Variants in CDYL2 observed in about 807,000 individuals in gnomAD.
CDYL2 encodes chromodomain Y-like protein 2.
CDYL2 carries 23 observed loss-of-function variants against 49.4 expected under a neutral mutation model. That is an observed-to-expected ratio of 0.47 (90% CI 0.34 to 0.66). The LOEUF (loss-of-function observed/expected upper bound fraction) is 0.66, where lower values mean the gene tolerates loss of function less well. CDYL2 is among the 30% of genes least tolerant of loss of function. CDYL2 has a pLI of 0.01. For synonymous variants in CDYL2, 360 were observed against 268.8 expected (o/e 1.34, Z -3.32); for missense variants, 678 against 656.4 (o/e 1.03, Z -0.36).
intron 2 of CDYL2, among the ~76,000 whole-genome samples, chr16:80,665,784 T>C (rs1266721373): frequency 3.3e-5 from 5 of 152,074 alleles, no homozygotes; most frequent in Non-Finnish European, 5.9e-5. Flanking sequence ...GTCACCAAGA[T>C]GGCAGGTGAA....
intron 1 of CDYL2, among the ~76,000 whole-genome samples, chr16:80,764,754 T>C (rs930162315): frequency 2.6e-5 from 4 of 151,980 alleles, no homozygotes; most frequent in Admixed American, 1.3e-4. Flanking sequence ...ACTGATAATA[T>C]GGAATAGAAA....
chr16:80,785,583 G>A (rs1907408246), intron 1 of CDYL2, among the ~76,000 whole-genome samples: 1 of 152,138 alleles, frequency 6.6e-6, no homozygotes, highest in Non-Finnish European at 1.5e-5. Flanking sequence ...AGCTACCACT[G>A]ACTTTTTTCA....
intron 1 of CDYL2, among the ~76,000 whole-genome samples, chr16:80,782,983 G>A (rs899204016): frequency 2.6e-5 from 4 of 152,062 alleles, no homozygotes; most frequent in Non-Finnish European, 4.4e-5. Context: ...ACACAGTACT[G>A]GAAGTTCTGC....
At chr16:80,652,950 C>G (rs1234619020) in intron 2 of CDYL2, among the ~76,000 whole-genome samples, 1 of 152,204 alleles carries the variant, frequency 6.6e-6, no homozygotes, top group Non-Finnish European at 1.5e-5. Flanking sequence ...ACATAATATT[C>G]TCTGAATATT....
In CDYL2 at chr16:80,633,231, C is replaced by G. The variant is rs1308819547; in HGVS notation, c.622G>C (p.Ala208Pro). Residue 208 changes from alanine to proline, a missense_variant, in exon 3 of 7, where the codon GCT becomes CCT. Ala to Pro is a conservative substitution (Grantham distance 27). Around this residue, in one of 3 missense-constraint regions of CDYL2, gnomAD observed 478 missense variants for 427.0 expected, o/e 1.12. Transcript: ENST00000570137. Reference protein sequence around the residue: ...ATLAENGLGSALTNGGLNLHS... With the variant: ...ATLAENGLGSPLTNGGLNLHS... ...AGGTTCAATCCCCCGTTGGTCAGAGCAGAGCCTTCCAAAACCAGATAAACA... is the reference window on the plus strand; with the variant it reads ...AGGTTCAATCCCCCGTTGGTCAGAGGAGAGCCTTCCAAAACCAGATAAACA... The G allele has an allele frequency of 3.1e-6, 5 of 1,611,908 alleles. No individual in the cohort carries two copies. The South Asian group carries it at 3.3e-5, about 11-fold the overall frequency.
intron 1 of CDYL2, among the ~76,000 whole-genome samples, chr16:80,712,414 C>T (rs958629916): frequency 6.6e-6 from 1 of 151,882 alleles, no homozygotes; most frequent in Non-Finnish European, 1.5e-5. Flanking sequence ...GTCAATGTCA[C>T]AACATTGCTG....
At chr16:80,751,549 C>T (rs1906137136) in intron 1 of CDYL2, among the ~76,000 whole-genome samples, 3 of 152,164 alleles carry the variant, frequency 2.0e-5, no homozygotes, top group South Asian at 4.1e-4. Flanking sequence ...GCAAACAAGA[C>T]TTGAGGATGG....
intron 1 of CDYL2, among the ~76,000 whole-genome samples, chr16:80,712,031 G>GTA (rs1162757448): frequency 4.7e-5 from 7 of 150,340 alleles, no homozygotes; most frequent in Non-Finnish European, 1.0e-4. Flanking sequence ...ATATATGTGT[G>GTA]TATATATATG....
chr16:80,772,253 AG>A (rs766967844), intron 1 of CDYL2, among the ~76,000 whole-genome samples: 1 of 152,252 alleles, frequency 6.6e-6, no homozygotes, highest in Non-Finnish European at 1.5e-5. Flanking sequence ...AATTTCAGGT[AG>A]AAGGCTGGAC....
chr16:80,612,701 C>A lies in CDYL2; in HGVS notation c.1143G>T (p.Thr381=). Residue 381 remains threonine, a synonymous_variant, in exon 5 of 7, where the codon ACG becomes ACT. Transcript: ENST00000570137. The surrounding 1 kb of genome is among the most constrained non-coding windows in gnomAD (Gnocchi z 5.0). ...VWASEKAWFQ[T]PYATIRLTPA... is the part of the protein sequence containing the mutation. Reference sequence around the variant, plus strand: ...GCGTGAGGCGGATGGTGGCGTAGGGCGTCTGGAACCAGGCCTTCTCACTGG... The same window carrying A: ...GCGTGAGGCGGATGGTGGCGTAGGGAGTCTGGAACCAGGCCTTCTCACTGG... The A allele has an allele frequency of 1.2e-6, 2 of 1,613,302 alleles. No homozygotes were observed. The highest frequency in any genetic ancestry group is 1.7e-6 in the Non-Finnish European group (2 of 1,179,928).
chr16:80,628,203 C>T (rs1373786421), intron 3 of CDYL2: 3 of 152,234 alleles, frequency 2.0e-5, no homozygotes, highest in Non-Finnish European at 4.4e-5. Context: ...CTCCTTACTG[C>T]ATCTTGCCTT....
At chr16:80,780,373 G>A (rs1173835802) in intron 1 of CDYL2, among the ~76,000 whole-genome samples, 1 of 148,784 alleles carries the variant, frequency 6.7e-6, no homozygotes, top group Admixed American at 6.7e-5. Context: ...TGTACATGAG[G>A]AAAATGATAC....
At chr16:80,802,226 T>C (rs1173747990) in intron 1 of CDYL2, among the ~76,000 whole-genome samples, 1 of 152,178 alleles carries the variant, frequency 6.6e-6, no homozygotes, top group African/African-American at 2.4e-5. Context: ...AATGGGGAAA[T>C]ACTGATGACT....
intron 1 of CDYL2, among the ~76,000 whole-genome samples, chr16:80,749,423 T>G (rs1026492022): frequency 7.2e-5 from 11 of 152,140 alleles, no homozygotes; most frequent in Admixed American, 3.3e-4. Flanking sequence ...TTTTAACAAG[T>G]CCTAGTCCAC....
rs1285596985 is a variant in CDYL2 at position 80,718,741 on chromosome 16, A to C, written c.25-33612T>G. 2.6e-5 allele frequency among the ~76,000 whole-genome samples: 4 copies of C among 152,306 alleles called. No individual in the cohort carries two copies. The East Asian group carries it at 5.8e-4, about 22-fold the overall frequency. ...CAGACACGTGGATAGTGGGATGGAG[A>C]ACCCAGAACAATGGGCCAGAGGGCA... On this transcript the variant is annotated intron_variant, in intron 1 of 6. Coordinates refer to ENST00000570137, the MANE Select transcript of CDYL2 (RefSeq NM_152342.4).
intron 1 of CDYL2, among the ~76,000 whole-genome samples, chr16:80,783,416 G>A (rs753496091): frequency 2.0e-5 from 3 of 152,132 alleles, no homozygotes; most frequent in African/African-American, 7.2e-5. Context: ...GCTGCTATGG[G>A]TGTAAAATGG....
intron 1 of CDYL2, among the ~76,000 whole-genome samples, chr16:80,703,802 T>C (rs1410524081): frequency 6.6e-6 from 1 of 152,038 alleles, no homozygotes; most frequent in East Asian, 1.9e-4. Flanking sequence ...GACCTCTGAT[T>C]CCAGACCACA....
intron 1 of CDYL2, among the ~76,000 whole-genome samples, chr16:80,713,807 C>T (rs192856409): frequency 9.2e-5 from 14 of 152,220 alleles, no homozygotes; most frequent in African/African-American, 3.1e-4. Flanking sequence ...TCCTGGGATG[C>T]CCATTCTTGG....
At chr16:80,744,079 C>T (rs889337333) in intron 1 of CDYL2, among the ~76,000 whole-genome samples, 3 of 152,220 alleles carry the variant, frequency 2.0e-5, no homozygotes, top group Admixed American at 6.5e-5. Context: ...AATTAGGTAT[C>T]ATTATTCCTG....
Sources: allele counts gnomAD v4.1 joint callset (sites outside exome capture counted in the v4.1 genomes callset), GRCh38; gene constraint gnomAD v4.1.1; regional missense constraint gnomAD v4.1.1; non-coding constraint Gnocchi (gnomAD v3.1); transcripts MANE v1.5; gene names NCBI Gene and HGNC (gene_info 2026-07-23, HGNC 2026-07-21).